NKAIN2: variants seen among roughly 807,000 people sequenced by gnomAD.
NKAIN2 encodes the protein sodium/potassium-transporting ATPase subunit beta-1-interacting protein 2.
A neutral mutation model predicts 32.6 loss-of-function variants in NKAIN2; 14 were observed. That is an observed-to-expected ratio of 0.43 (90% CI 0.28 to 0.67). The LOEUF (loss-of-function observed/expected upper bound fraction) is 0.67. Among genes scored for constraint, NKAIN2 ranks in the 30% least tolerant of loss-of-function variants. The pLI is 0.17. For synonymous variants in NKAIN2, 80 were observed against 87.2 expected, an observed-to-expected ratio of 0.92 and a Z score of 0.46; for missense variants, 198 against 258.3, an observed-to-expected ratio of 0.77 and a Z score of 1.60.
chr6:124,169,399 T>C (rs746446005), intron 1 of NKAIN2, among the ~76,000 whole-genome samples: 58 of 152,166 alleles, frequency 3.8e-4, no homozygotes, highest in Non-Finnish European at 1.3e-4. Flanking sequence ...TCATTAAGTA[T>C]TAAAAATGCC....
chr6:124,529,188 T>G, intron 3 of NKAIN2, among the ~76,000 whole-genome samples: 1 of 152,200 alleles, frequency 6.6e-6, no homozygotes, highest in Non-Finnish European at 1.5e-5. Context: ...CATTTGACAT[T>G]GATGTATACA....
intron 3 of NKAIN2, among the ~76,000 whole-genome samples, chr6:124,457,913 G>A (rs1425745416): frequency 6.6e-6 from 1 of 151,922 alleles, no homozygotes; most frequent in Non-Finnish European, 1.5e-5. Flanking sequence ...CAACTACTCA[G>A]TAACCTGTGT....
At chr6:124,226,459 A>G (rs985871156) in intron 1 of NKAIN2, among the ~76,000 whole-genome samples, 2 of 151,948 alleles carry the variant, frequency 1.3e-5, no homozygotes, top group Non-Finnish European at 2.9e-5. Context: ...TTGTAGACCT[A>G]TGTTACCCTT....
intron 3 of NKAIN2, among the ~76,000 whole-genome samples, chr6:124,651,830 C>T (rs552927144): frequency 6.6e-6 from 1 of 152,140 alleles, no homozygotes; most frequent in Non-Finnish European, 1.5e-5. Context: ...AATCATTTTC[C>T]ATTATCTTGA....
intron 3 of NKAIN2, among the ~76,000 whole-genome samples, chr6:124,507,237 T>C (rs762878640): frequency 2.0e-5 from 3 of 152,170 alleles, no homozygotes; most frequent in Non-Finnish European, 4.4e-5. Flanking sequence ...TATTATTCTT[T>C]GAGTTGTGAA....
chr6:124,077,964 T>G (rs1446519646), intron 1 of NKAIN2, among the ~76,000 whole-genome samples: 1 of 152,166 alleles, frequency 6.6e-6, no homozygotes, highest in Non-Finnish European at 1.5e-5. Flanking sequence ...GGGAATTATT[T>G]AAAATACCTT....
intron 3 of NKAIN2, among the ~76,000 whole-genome samples, chr6:124,396,380 G>A (rs1221080520): frequency 1.3e-5 from 2 of 148,170 alleles, no homozygotes; most frequent in African/African-American, 5.0e-5. Flanking sequence ...AATAAAATGG[G>A]TACCAAAAAA....
chr6:124,033,916 T>C (rs1781502945), intron 1 of NKAIN2, among the ~76,000 whole-genome samples: 1 of 152,152 alleles, frequency 6.6e-6, no homozygotes, highest in African/African-American at 2.4e-5. Context: ...AAAAATATTT[T>C]CTGTAGGTGT....
intron 1 of NKAIN2, among the ~76,000 whole-genome samples, chr6:124,257,785 T>C (rs1029278379): frequency 2.7e-5 from 4 of 150,272 alleles, no homozygotes; most frequent in Non-Finnish European, 5.9e-5. Context: ...CTTTTCTTTT[T>C]TTTTTTTTTT....
At chr6:124,000,177 G>A (rs73557090) in intron 1 of NKAIN2, among the ~76,000 whole-genome samples, 4,649 of 152,090 alleles carry the variant, frequency 0.031, 255 homozygotes, top group African/African-American at 0.11. Context: ...GTTTGGTAAC[G>A]ATATAATAAC....
intron 3 of NKAIN2, among the ~76,000 whole-genome samples, chr6:124,544,637 C>T (rs1344264902): frequency 6.6e-6 from 1 of 151,674 alleles, no homozygotes; most frequent in East Asian, 1.9e-4. Context: ...TTTCCCGAAC[C>T]TCAATGCATT....
chr6:124,249,623 G>GCA (rs138068876), intron 1 of NKAIN2, among the ~76,000 whole-genome samples: 13,149 of 151,592 alleles, frequency 0.087, 1,228 homozygotes, highest in African/African-American at 0.23. Context: ...TTTGGGGCCA[G>GCA]CACACACACA....
intron 2 of NKAIN2, among the ~76,000 whole-genome samples, chr6:124,311,631 A>G (rs1172653221): frequency 2.0e-5 from 3 of 152,182 alleles, no homozygotes; most frequent in Admixed American, 6.6e-5. Flanking sequence ...AGGGAGGAAC[A>G]TGACCAGGAT....
At chr6:124,103,170 C>T (rs1316026443) in intron 1 of NKAIN2, among the ~76,000 whole-genome samples, 3 of 152,084 alleles carry the variant, frequency 2.0e-5, no homozygotes, top group Non-Finnish European at 4.4e-5. Context: ...AGCAAACTTT[C>T]AGATATTTAG....
chr6:124,370,430 C>A (rs1433840402), intron 3 of NKAIN2, among the ~76,000 whole-genome samples: 1 of 152,000 alleles, frequency 6.6e-6, no homozygotes, highest in African/African-American at 2.4e-5. Context: ...AATAAACAGT[C>A]ATTTATAGAA....
chr6:124,527,014 C>T (rs958146117), intron 3 of NKAIN2, among the ~76,000 whole-genome samples: 1 of 152,084 alleles, frequency 6.6e-6, no homozygotes, highest in African/African-American at 2.4e-5. Flanking sequence ...CAGTACTTAA[C>T]TACTATGTTA....
chr6:124,364,820 C>G (rs973220412), intron 3 of NKAIN2, among the ~76,000 whole-genome samples: 3 of 151,754 alleles, frequency 2.0e-5, no homozygotes, highest in African/African-American at 7.3e-5. Flanking sequence ...GAAAGAATAA[C>G]ACAGGTTGTA....
intron 3 of NKAIN2, among the ~76,000 whole-genome samples, chr6:124,489,724 A>G (rs1408630832): frequency 2.0e-5 from 3 of 151,900 alleles, no homozygotes; most frequent in African/African-American, 4.8e-5. Context: ...CATGAAGTTG[A>G]AAAATTATAA....
At chr6:124,662,586 G>A (rs1205788931) in intron 4 of NKAIN2, among the ~76,000 whole-genome samples, 2 of 152,198 alleles carry the variant, frequency 1.3e-5, no homozygotes, top group African/African-American at 2.4e-5. Context: ...ATTGGGGTCA[G>A]TAAAGTCACA....
Sources: gnomAD v4.1 joint callset for allele counts (sites outside exome capture counted in the v4.1 genomes callset) on GRCh38, gnomAD v4.1.1 for gene constraint, MANE v1.5 for transcripts, NCBI Gene and HGNC (gene_info 2026-07-23, HGNC 2026-07-21) for gene names.